The following WASHC2A variants were observed in gnomAD, a reference collection of about 807,000 sequenced individuals.
The protein encoded by WASHC2A is WASH complex subunit FAM21A.
Under a neutral mutation model 140.3 loss-of-function variants are expected in WASHC2A, and 82 were observed. The ratio of observed to expected loss-of-function variants is 0.58; its 90% CI spans 0.49 to 0.70. The LOEUF (loss-of-function observed/expected upper bound fraction) is 0.70, where lower values mean the gene tolerates loss of function less well. Ranked by LOEUF, WASHC2A falls within the 30% of genes least tolerant of loss-of-function variation. The pLI, the probability that WASHC2A is intolerant of heterozygous loss-of-function variation, is 0.00. For missense variants in WASHC2A, 985 were observed against 1,521.8 expected, an observed-to-expected ratio of 0.65 and a Z score of 5.87; for synonymous variants, 340 against 560.8, an observed-to-expected ratio of 0.61 and a Z score of 5.56.
intron 8 of WASHC2A, among the ~76,000 whole-genome samples, chr10:50,089,724 A>G (rs1554882095): frequency 6.6e-6 from 1 of 152,184 alleles, no homozygotes; most frequent in East Asian, 1.9e-4. Flanking sequence ...TCTAGTCGTT[A>G]CAGCTTTTAC....
intron 30 of WASHC2A, 150 bp from the exon 31 acceptor site, chr10:50,132,656 A>C: frequency 7.9e-7 from 1 of 1,272,206 alleles, no homozygotes; most frequent in Non-Finnish European, 1.1e-6. Context: ...ACACAGAACC[A>C]GAATCTAAGA....
At position 50,087,872 on chromosome 10, in the gene WASHC2A, G is replaced by A. The variant is rs1426656556; in HGVS notation, c.732+550G>A. 6.6e-5 allele frequency among the ~76,000 whole-genome samples: 10 copies of A among 151,184 alleles called. 1 individual carries two copies. In the South Asian group the frequency reaches 1.7e-3, roughly 25 times the overall value. On this transcript the variant is annotated intron_variant, in intron 8 of 30. Transcript: ENST00000282633. ...CTCTTGTTGTCCAGGCTGGAGTGCC[G>A]TGGCATGATCTCAGCTCACTGCAAC...
chr10:50,087,627 C>T (rs1258465138), intron 8 of WASHC2A, among the ~76,000 whole-genome samples: 99 of 152,072 alleles, frequency 6.5e-4, no homozygotes, highest in African/African-American at 2.3e-3. Flanking sequence ...ATGAGTCCCT[C>T]TTCTGTTTTA....
chr10:50,071,526 C>T lies in WASHC2A; in HGVS notation c.291+1815C>T, dbSNP rs555907395. On this transcript the variant is annotated intron_variant, in intron 3 of 30. Coordinates refer to ENST00000282633, the MANE Select transcript of WASHC2A (RefSeq NM_001005751.3). ...TTCACCGAGTTAGCCAGGATGATCT[C>T]GATCTCCTGACCTCGTGATCCGCCC... is the stretch of plus-strand genomic sequence containing the variant. 2.3e-4 allele frequency among the ~76,000 whole-genome samples: 35 copies of T among 152,046 alleles called. No homozygotes were observed. In the East Asian group the frequency reaches 4.9e-3, roughly 21 times the overall value.
intron 20 of WASHC2A, 30 bp downstream of exon 20, chr10:50,110,300 C>G (rs1220362084): frequency 1.2e-6 from 2 of 1,607,082 alleles, no homozygotes; most frequent in East Asian, 2.2e-5. Context: ...GAGTCCCTCA[C>G]TCCGTTACCG....
intron 19 of WASHC2A, among the ~76,000 whole-genome samples, chr10:50,107,531 A>G (rs878885587): frequency 2.0e-5 from 3 of 152,112 alleles, no homozygotes; most frequent in Non-Finnish European, 4.4e-5. Flanking sequence ...AGGCAAGTTA[A>G]TAGGGGGTGA....
At chr10:50,098,819 A>C (rs1341713810) in intron 16 of WASHC2A, among the ~76,000 whole-genome samples, 2 of 147,972 alleles carry the variant, frequency 1.4e-5, no homozygotes, top group African/African-American at 2.5e-5. Context: ...TCAGGGTGAG[A>C]AGTTTTGGCA....
chr10:50,124,763 T>C (rs1250198311), intron 23 of WASHC2A, among the ~76,000 whole-genome samples: 2 of 151,300 alleles, frequency 1.3e-5, no homozygotes, highest in Non-Finnish European at 2.9e-5. Flanking sequence ...CTTCAAAATG[T>C]TTCTCATTAT....
chr10:50,101,296 C>G (rs1454664498), intron 17 of WASHC2A, among the ~76,000 whole-genome samples: 22 of 152,304 alleles, frequency 1.4e-4, no homozygotes, highest in African/African-American at 5.1e-4. Flanking sequence ...GCACCGGCCC[C>G]TGCCACTCTG....
At chr10:50,131,251 G>A (rs1210486794) in intron 30 of WASHC2A, 173 bp downstream of exon 30, 1 of 718,940 alleles carries the variant, frequency 1.4e-6, no homozygotes, top group African/African-American at 1.7e-5. Flanking sequence ...TTATTTTAGT[G>A]AAGTAACTCT....
At chr10:50,105,676 C>G (rs1464900005) in intron 18 of WASHC2A, among the ~76,000 whole-genome samples, 20 of 150,542 alleles carry the variant, frequency 1.3e-4, no homozygotes, top group Admixed American at 4.7e-4. Flanking sequence ...GCTTTTGTTC[C>G]CCTTATCTGA....
chr10:50,126,011 T>C (rs2490902), intron 25 of WASHC2A, 46 bp from the exon 26 acceptor site: 1 of 1,606,244 alleles, frequency 6.2e-7, no homozygotes, highest in African/African-American at 1.3e-5. Context: ...TTCCTTAAAA[T>C]TTCTAAGATA....
Position 50,068,003 on chromosome 10 carries a change from A to G in WASHC2A, c.-3A>G, listed in dbSNP as rs4935425. The G allele has an allele frequency of 0.2, 328,457 of 1,605,938 alleles. 40,154 individuals are homozygous for G. The highest frequency in any genetic ancestry group is 0.63 in the East Asian group (28,023 of 44,606). On this transcript the variant is annotated 5_prime_UTR_variant, in exon 1 of 31. Transcript: ENST00000282633. ...TCGGAGCCCACCGAGCCGGGCGGCTAGGATGGTGAGGGCGCCGGGCAGGAG... is the reference window on the plus strand; with the variant it reads ...TCGGAGCCCACCGAGCCGGGCGGCTGGGATGGTGAGGGCGCCGGGCAGGAG...
At chr10:50,098,487 CAGG>C (rs1364292826) in intron 16 of WASHC2A, among the ~76,000 whole-genome samples, 1 of 123,088 alleles carries the variant, frequency 8.1e-6, no homozygotes, top group Non-Finnish European at 1.8e-5. Flanking sequence ...ACTGATCTGA[CAGG>C]AGGAGGAGCT....
intron 15 of WASHC2A, among the ~76,000 whole-genome samples, 194 bp from the exon 16 acceptor site, chr10:50,097,481 A>G (rs1840599049): frequency 6.9e-6 from 1 of 144,574 alleles, no homozygotes; most frequent in East Asian, 1.9e-4. Flanking sequence ...CTGTCTTTCA[A>G]CTGAACTGCT....
chr10:50,100,953 G>T (rs1239819957), intron 17 of WASHC2A, among the ~76,000 whole-genome samples: 1 of 152,308 alleles, frequency 6.6e-6, no homozygotes. Context: ...AGATTGTAAT[G>T]GGAAGTAATA....
At chr10:50,102,276 G>A (rs61843904) in intron 17 of WASHC2A, among the ~76,000 whole-genome samples, 15 of 152,136 alleles carry the variant, frequency 9.9e-5, no homozygotes, top group African/African-American at 1.7e-4. Flanking sequence ...GAAGGAATGC[G>A]TCCTGACTCC....
In WASHC2A at chr10:50,095,562, G is replaced by C. The variant is rs782515460; in HGVS notation, c.1241-37G>C. On this transcript the variant is annotated intron_variant, in intron 14 of 30. Transcript: ENST00000282633. ...CTGTAAATTCAACCGGCCCACACTG[G>C]CTCACAGCTGTGGCTGTCTTGTCTT... 3 of 1,611,502 alleles carry C rather than the reference G, an allele frequency of 1.9e-6. No individual in the cohort carries two copies. In the East Asian group the frequency reaches 6.7e-5, roughly 36 times the overall value.
intron 9 of WASHC2A, 40 bp from the exon 10 acceptor site, chr10:50,091,391 T>C: frequency 6.5e-7 from 1 of 1,547,844 alleles, no homozygotes; most frequent in Non-Finnish European, 8.7e-7. Flanking sequence ...TGTACTAGTT[T>C]GTTACAAAAA....
Sources: allele counts gnomAD v4.1 joint callset (sites outside exome capture counted in the v4.1 genomes callset), GRCh38; gene constraint gnomAD v4.1.1; transcripts MANE v1.5; gene names NCBI Gene and HGNC (gene_info 2026-07-23, HGNC 2026-07-21).